Variants in OSBPL1A observed in about 807,000 individuals in gnomAD.
OSBPL1A encodes oxysterol binding protein like 1A.
Under a neutral mutation model 137.1 loss-of-function variants are expected in OSBPL1A, and 80 were observed. The observed-to-expected ratio is 0.58, with a 90% CI of 0.49 to 0.70. The LOEUF (loss-of-function observed/expected upper bound fraction) is 0.70, where lower values mean the gene tolerates loss of function less well. OSBPL1A is among the 30% of genes least tolerant of loss of function. The pLI is 0.00. For missense variants in OSBPL1A, 970 were observed against 1,129.4 expected (o/e 0.86, Z 2.02); for synonymous variants, 365 against 389.7 (o/e 0.94, Z 0.75).
At position 24,275,171 on chromosome 18, in the gene OSBPL1A, T is replaced by C. The variant is rs145224899; in HGVS notation, c.1281+5671A>G. On this transcript the variant is annotated intron_variant, in intron 15 of 27. Transcript: ENST00000319481. ...AAGTATCACATTTTCAAAAATGGAA[T>C]TGGAAAAGGATGCAGGGAGATAGAC... Among the ~76,000 whole-genome samples the C allele has an allele frequency of 3.3e-5, 5 of 152,202 alleles. No homozygotes were observed. In the East Asian group the frequency reaches 7.7e-4, roughly 24 times the overall value.
chr18:24,276,135 C>A (rs1230953747), intron 15 of OSBPL1A, among the ~76,000 whole-genome samples: 1 of 152,130 alleles, frequency 6.6e-6, no homozygotes, highest in Non-Finnish European at 1.5e-5. Context: ...TTTAAATGGG[C>A]AGTTCTTACC....
intron 24 of OSBPL1A, among the ~76,000 whole-genome samples, chr18:24,168,029 T>C (rs1362557245): frequency 6.6e-6 from 1 of 152,182 alleles, no homozygotes; most frequent in Non-Finnish European, 1.5e-5. Flanking sequence ...ATTATCATCA[T>C]CACTCGTTCC....
chr18:24,247,756 C>T (rs1357472225), intron 15 of OSBPL1A, among the ~76,000 whole-genome samples: 1 of 151,992 alleles, frequency 6.6e-6, no homozygotes, highest in Non-Finnish European at 1.5e-5. Flanking sequence ...CAGGCAGAGC[C>T]ACATCACGCC....
intron 17 of OSBPL1A, among the ~76,000 whole-genome samples, chr18:24,217,273 T>C (rs2087734517): frequency 6.6e-6 from 1 of 151,278 alleles, no homozygotes; most frequent in African/African-American, 2.4e-5. Context: ...TTTTTTTTTT[T>C]TTGAGACAGA....
chr18:24,171,042 G>GT (rs748362943), intron 23 of OSBPL1A, among the ~76,000 whole-genome samples: 4,060 of 140,394 alleles, frequency 0.029, 169 homozygotes, highest in African/African-American at 0.092. Flanking sequence ...AATTTTTTTT[G>GT]TTTTTTTTTT....
chr18:24,388,597 C>T (rs1156804097), intron 1 of OSBPL1A, among the ~76,000 whole-genome samples: 2 of 151,664 alleles, frequency 1.3e-5, no homozygotes, highest in African/African-American at 2.4e-5. Flanking sequence ...GTCAGGAGTT[C>T]GAGAGCAGCT....
chr18:24,308,500 G>A (rs564895697), intron 13 of OSBPL1A, among the ~76,000 whole-genome samples: 16 of 152,068 alleles, frequency 1.1e-4, no homozygotes, highest in African/African-American at 3.4e-4. Flanking sequence ...GATTACAGGC[G>A]TGAGACACCA....
At chr18:24,322,356 C>T (rs1374720407) in intron 7 of OSBPL1A, among the ~76,000 whole-genome samples, 1 of 151,314 alleles carries the variant, frequency 6.6e-6, no homozygotes, top group Non-Finnish European at 1.5e-5. Context: ...CTCCTGACCT[C>T]GTGATCTGCC....
chr18:24,228,238 CTT>C (rs980750053), intron 16 of OSBPL1A, among the ~76,000 whole-genome samples: 9 of 150,960 alleles, frequency 6.0e-5, no homozygotes, highest in Non-Finnish European at 1.2e-4. Context: ...TGTGCCCCCT[CTT>C]TGTCCTTACT....
chr18:24,250,151 T>C (rs887557867), intron 15 of OSBPL1A, among the ~76,000 whole-genome samples: 1 of 34,736 alleles, frequency 2.9e-5, no homozygotes, highest in Non-Finnish European at 8.4e-5. Context: ...GGCGTTTGTG[T>C]GTTTTTGTTT....
At chr18:24,263,699 G>A (rs979236921) in intron 15 of OSBPL1A, among the ~76,000 whole-genome samples, 12 of 152,044 alleles carry the variant, frequency 7.9e-5, no homozygotes, top group Non-Finnish European at 1.5e-4. Flanking sequence ...GCAGTGGCGC[G>A]ATCTCGGCTC....
At chr18:24,369,214 T>G (rs748409051) in intron 2 of OSBPL1A, among the ~76,000 whole-genome samples, 4 of 152,194 alleles carry the variant, frequency 2.6e-5, no homozygotes. Context: ...ATGAGGATAT[T>G]GGGTTGCCAA....
At chr18:24,277,277 A>G (rs993436672) in intron 15 of OSBPL1A, among the ~76,000 whole-genome samples, 1 of 143,986 alleles carries the variant, frequency 6.9e-6, no homozygotes, top group Admixed American at 6.9e-5. Flanking sequence ...ATGGTCTGAC[A>G]AGGGCTTGTA....
chr18:24,211,597 G>A (rs1161580374), intron 17 of OSBPL1A, among the ~76,000 whole-genome samples: 1 of 151,862 alleles, frequency 6.6e-6, no homozygotes, highest in African/African-American at 2.4e-5. Context: ...AGAACCACTG[G>A]CATAGACAGC....
chr18:24,338,842 T>C (rs901994816), intron 5 of OSBPL1A, among the ~76,000 whole-genome samples: 14 of 152,132 alleles, frequency 9.2e-5, no homozygotes, highest in Admixed American at 9.2e-4. Context: ...CCCTCCTGAG[T>C]AGCTGGGACT....
At chr18:24,295,161 A>T (rs1489679348) in intron 14 of OSBPL1A, among the ~76,000 whole-genome samples, 1 of 152,140 alleles carries the variant, frequency 6.6e-6, no homozygotes, top group Non-Finnish European at 1.5e-5. Flanking sequence ...TTCCATGATG[A>T]TTAGTGCTGT....
intron 2 of OSBPL1A, 92 bp downstream of exon 2, chr18:24,377,321 T>C: frequency 3.5e-6 from 5 of 1,415,994 alleles, no homozygotes; most frequent in Non-Finnish European, 4.7e-6. Flanking sequence ...TAGAGATTAA[T>C]TACATGATAG....
rs200624581 is a variant in OSBPL1A at position 24,293,125 on chromosome 18, A to AAAAAAAAAAAAG, written c.1174+10511_1174+10512insCTTTTTTTTTTT. On this transcript the variant is annotated intron_variant, in intron 14 of 27. Transcript: ENST00000319481. The stretch of plus-strand genomic sequence containing the variant: ...GTCTCAAAAAAAAAAAAAAAAAAAA[A>AAAAAAAAAAAAG]AAAGAAAAGAAAAGAAAAAATTAAA... Among the ~76,000 whole-genome samples the AAAAAAAAAAAAG allele has an allele frequency of 1.1e-3, 90 of 82,088 alleles. 3 individuals carry two copies. The highest frequency in any genetic ancestry group is 3.1e-3 in the African/African-American group (77 of 25,066). The allele number at this position is 82,088 out of a possible 152,430, so 53.9% of individuals were successfully genotyped here. A position where few individuals can be genotyped will look rare whatever the true frequency, so the allele number is the denominator to read the frequency against.
At chr18:24,302,189 G>T (rs899658085) in intron 14 of OSBPL1A, among the ~76,000 whole-genome samples, 3 of 148,364 alleles carry the variant, frequency 2.0e-5, no homozygotes, top group Admixed American at 2.0e-4. Flanking sequence ...AGCCAAGATC[G>T]CGCCACTGCA....
Sources: gnomAD v4.1 joint callset for allele counts (sites outside exome capture counted in the v4.1 genomes callset) on GRCh38, gnomAD v4.1.1 for gene constraint, MANE v1.5 for transcripts, NCBI Gene and HGNC (gene_info 2026-07-23, HGNC 2026-07-21) for gene names.